BACH2: variants seen among roughly 807,000 people sequenced by gnomAD.
BACH2 encodes transcription regulator protein BACH2.
In BACH2, 5 loss-of-function variants were observed where a neutral mutation model predicts 61.8. That is an observed-to-expected ratio of 0.08 (90% confidence interval 0.04 to 0.17). BACH2 has a LOEUF of 0.17. Among genes scored for constraint, BACH2 ranks in the 10% least tolerant of loss-of-function variants. The pLI, the probability that BACH2 is intolerant of heterozygous loss-of-function variation, is 1.00. For synonymous variants in BACH2, 446 were observed against 440.1 expected (o/e 1.01, Z -0.17); for missense variants, 824 against 1,091.1 (o/e 0.76, Z 3.45).
intron 3 of BACH2, among the ~76,000 whole-genome samples, chr6:90,207,101 C>A (rs748924847): frequency 6.6e-5 from 10 of 151,780 alleles, no homozygotes; most frequent in Non-Finnish European, 1.2e-4. Context: ...TTTCAGGGTT[C>A]TTCTTTGTCT....
rs546460701 is a variant in BACH2, at chr6:90,262,408, C to A, written c.-353+9441G>T. 2.0e-4 allele frequency among the ~76,000 whole-genome samples: 30 copies of A among 152,260 alleles called. 1 individual carries two copies. The South Asian group carries it at 6.2e-3, about 32-fold the overall frequency. On this transcript the variant is annotated intron_variant, in intron 2 of 8. Transcript: ENST00000257749. ...CCCTTCCCATCCCCACGCCCCATTC[C>A]CAGGCCATTCAAGTGGCTGTTGTGT...
chr6:89,948,417 A>C (rs2128356246), intron 7 of BACH2, among the ~76,000 whole-genome samples: 1 of 152,194 alleles, frequency 6.6e-6, no homozygotes, highest in South Asian at 2.1e-4. Flanking sequence ...CATGTTGCCC[A>C]GGCTGGTCTT....
chr6:90,066,554 T>C lies in BACH2; in HGVS notation c.-13+22407A>G, dbSNP rs141697615. 8.5e-5 allele frequency among the ~76,000 whole-genome samples: 13 copies of C among 152,224 alleles called. No homozygotes were observed. The South Asian group carries it at 1.0e-3, about 12-fold the overall frequency. Reference sequence around the variant, plus strand: ...ACGAGGGAGCAACTAGCCTGGGAGATGGTGGGAATATCAAGGTGTCAGCTC... The same window carrying C: ...ACGAGGGAGCAACTAGCCTGGGAGACGGTGGGAATATCAAGGTGTCAGCTC... On this transcript the variant is annotated intron_variant, in intron 5 of 8. Transcript: ENST00000257749.
At chr6:89,991,963 G>A (rs1562351723) in intron 6 of BACH2, among the ~76,000 whole-genome samples, 1 of 151,782 alleles carries the variant, frequency 6.6e-6, no homozygotes, top group African/African-American at 2.4e-5. Flanking sequence ...GTTCATTTTT[G>A]TTTGTTTTAA....
chr6:90,127,486 C>T (rs1445735410), intron 4 of BACH2, among the ~76,000 whole-genome samples: 3 of 152,292 alleles, frequency 2.0e-5, no homozygotes, highest in East Asian at 1.9e-4. Context: ...GAAAAGGAGA[C>T]GCCAGGATAA....
At position 90,166,034 on chromosome 6, in the gene BACH2, G is replaced by T. The variant is rs562177383; in HGVS notation, c.-162+40535C>A. Among the ~76,000 whole-genome samples, 487 of 152,076 alleles carry T rather than the reference G, an allele frequency of 3.2e-3. 8 individuals carry two copies. Among genetic ancestry groups the T allele is most frequent in the East Asian group, 1.2e-3 (6 of 5,172 alleles). On this transcript the variant is annotated intron_variant, in intron 4 of 8. Transcript: ENST00000257749. ...CATGTCTAAAACACCAAAAGCAATG[G>T]CAACAAAAGCCAAAATTGACAAATG...
intron 4 of BACH2, among the ~76,000 whole-genome samples, chr6:90,193,694 G>C (rs1015636196): frequency 6.6e-6 from 1 of 152,172 alleles, no homozygotes; most frequent in African/African-American, 2.4e-5. Flanking sequence ...ACTGGGCTGA[G>C]AGCTGAGCAA....
intron 2 of BACH2, among the ~76,000 whole-genome samples, chr6:90,268,335 G>T (rs1242938951): frequency 1.3e-5 from 2 of 152,102 alleles, no homozygotes; most frequent in Non-Finnish European, 2.9e-5. Flanking sequence ...TGCAAGAAAT[G>T]TGAAGGGGAC....
chr6:89,999,360 T>C (rs1241572869), intron 6 of BACH2, among the ~76,000 whole-genome samples: 3 of 152,144 alleles, frequency 2.0e-5, no homozygotes, highest in Non-Finnish European at 2.9e-5. Flanking sequence ...GATGAAGCCA[T>C]GCTAATTGGA....
chr6:90,014,466 A>ATTTT (rs1397142525), intron 5 of BACH2, among the ~76,000 whole-genome samples: 91 of 50,890 alleles, frequency 1.8e-3, no homozygotes, highest in African/African-American at 6.2e-3. Flanking sequence ...ATATATATAT[A>ATTTT]TATTTTTTTT....
At chr6:89,998,373 A>G (rs1420564584) in intron 6 of BACH2, among the ~76,000 whole-genome samples, 4 of 152,240 alleles carry the variant, frequency 2.6e-5, no homozygotes, top group Non-Finnish European at 5.9e-5. Flanking sequence ...TCACCGCATT[A>G]CTAGCTGGCT....
intron 5 of BACH2, among the ~76,000 whole-genome samples, chr6:90,085,109 G>A (rs202227843): frequency 3.9e-5 from 6 of 152,066 alleles, no homozygotes; most frequent in Non-Finnish European, 5.9e-5. Flanking sequence ...CAGGACTACC[G>A]GCCACTCACT....
At position 89,930,965 on chromosome 6, in the gene BACH2, CTG is replaced by C. The variant is rs35290738; in HGVS notation, c.*1441_*1442del. 16,996 of 152,406 alleles carry C rather than the reference CTG, an allele frequency of 0.11. 1,157 individuals are homozygous for C. The highest frequency in any genetic ancestry group is 0.2 in the Middle Eastern group (58 of 294). 9.4% of individuals were successfully genotyped at this position (152,406 alleles called of 1,614,324 possible). ...TGGGGTGAAGGCAGGACCTTCGGGG[CTG>C]TGATTCAAATCCCCTCAGGCCAGAT... is the stretch of plus-strand genomic sequence containing the variant. On this transcript the variant is annotated 3_prime_UTR_variant, in exon 9 of 9. Transcript: ENST00000257749.
intron 4 of BACH2, among the ~76,000 whole-genome samples, chr6:90,150,808 TGGG>T (rs1228309984): frequency 3.3e-5 from 5 of 152,110 alleles, no homozygotes. Flanking sequence ...GAGTAGCCCT[TGGG>T]AAGCATAGCC....
chr6:89,936,710 C>G (rs754407067), intron 8 of BACH2, among the ~76,000 whole-genome samples: 1 of 150,254 alleles, frequency 6.7e-6, no homozygotes, highest in Non-Finnish European at 1.5e-5. Flanking sequence ...AAGAAACCCA[C>G]AAAACAACAA....
At chr6:90,029,982 T>C (rs944744711) in intron 5 of BACH2, among the ~76,000 whole-genome samples, 1 of 152,178 alleles carries the variant, frequency 6.6e-6, no homozygotes, top group African/African-American at 2.4e-5. Context: ...GCAGAGATGC[T>C]GAGTAGAAGG....
chr6:90,255,216 A>T (rs1770939116), intron 2 of BACH2, among the ~76,000 whole-genome samples: 1 of 152,214 alleles, frequency 6.6e-6, no homozygotes, highest in Admixed American at 6.5e-5. Context: ...GCCACACAAG[A>T]CTGATTCTCC....
intron 5 of BACH2, among the ~76,000 whole-genome samples, chr6:90,036,003 G>T (rs1562388669): frequency 6.6e-6 from 1 of 151,722 alleles, no homozygotes; most frequent in African/African-American, 2.4e-5. Flanking sequence ...TCATTTCTAC[G>T]AAGGGGTTAT....
chr6:90,178,580 T>C (rs1344412743), intron 4 of BACH2, among the ~76,000 whole-genome samples: 1 of 152,208 alleles, frequency 6.6e-6, no homozygotes, highest in Non-Finnish European at 1.5e-5. Context: ...AAGAAAACAA[T>C]GTTCACTTGG....
Sources: gnomAD v4.1 joint callset for allele counts (sites outside exome capture counted in the v4.1 genomes callset) on GRCh38, gnomAD v4.1.1 for gene constraint, MANE v1.5 for transcripts, NCBI Gene and HGNC (gene_info 2026-07-23, HGNC 2026-07-21) for gene names.